Variants in ADAMTS12 observed in about 807,000 individuals in gnomAD.
ADAMTS12 encodes the protein A disintegrin and metalloproteinase with thrombospondin motifs 12.
ADAMTS12 carries 118 observed loss-of-function variants against 167.8 expected under a neutral mutation model. That is an observed-to-expected ratio of 0.70 (90% CI 0.61 to 0.82). The LOEUF (loss-of-function observed/expected upper bound fraction) is 0.82, where lower values mean the gene tolerates loss of function less well. ADAMTS12 is among the 40% of genes least tolerant of loss of function. The pLI is 0.00. For missense variants in ADAMTS12, 1,916 were observed against 1,998.8 expected (o/e 0.96, Z 0.79); for synonymous variants, 704 against 716.9 (o/e 0.98, Z 0.29).
At chr5:33,693,218 G>A (rs1005472247) in intron 3 of ADAMTS12, among the ~76,000 whole-genome samples, 12 of 152,182 alleles carry the variant, frequency 7.9e-5, no homozygotes, top group Non-Finnish European at 1.6e-4. Flanking sequence ...TTAACTTGGT[G>A]AGTCAGCAAT....
At chr5:33,608,948 G>C (rs114261179) in intron 16 of ADAMTS12, among the ~76,000 whole-genome samples, 3,232 of 152,192 alleles carry the variant, frequency 0.021, 43 homozygotes, top group African/African-American at 0.05. Context: ...GGTGGGGTGG[G>C]ATGAGAGCAT....
chr5:33,696,277 C>G (rs930560221), intron 3 of ADAMTS12, among the ~76,000 whole-genome samples: 2 of 151,274 alleles, frequency 1.3e-5, no homozygotes, highest in Non-Finnish European at 3.0e-5. Context: ...AAAAATTAGC[C>G]GGGCACGGTG....
In ADAMTS12 at chr5:33,831,278, T is replaced by A. The variant is rs749590044; in HGVS notation, c.489+49841A>T. On this transcript the variant is annotated intron_variant, in intron 2 of 23. Transcript: ENST00000504830. Reference sequence around the variant, plus strand: ...TTAAAGATGAGGTCAGTGAGGCATATAGAGATTGAATATCTTGTCCGAGAT... The same window carrying A: ...TTAAAGATGAGGTCAGTGAGGCATAAAGAGATTGAATATCTTGTCCGAGAT... 1.3e-5 allele frequency among the ~76,000 whole-genome samples: 2 copies of A among 152,200 alleles called. 1 individual carries two copies. The highest frequency in any genetic ancestry group is 4.1e-4 in the South Asian group (2 of 4,828).
At chr5:33,721,905 T>A (rs1007758659) in intron 3 of ADAMTS12, among the ~76,000 whole-genome samples, 7 of 152,204 alleles carry the variant, frequency 4.6e-5, no homozygotes, top group Non-Finnish European at 1.0e-4. Flanking sequence ...TAAAACCAAA[T>A]GCCATGGTCT....
intron 2 of ADAMTS12, among the ~76,000 whole-genome samples, chr5:33,787,977 A>C (rs1746391395): frequency 6.6e-6 from 1 of 152,212 alleles, no homozygotes; most frequent in South Asian, 2.1e-4. Flanking sequence ...GGAAGGGCAC[A>C]GCCTCACTCA....
chr5:33,847,679 A>G (rs1749000797), intron 2 of ADAMTS12, among the ~76,000 whole-genome samples: 1 of 152,204 alleles, frequency 6.6e-6, no homozygotes, highest in South Asian at 2.1e-4. Context: ...GATCAAACCC[A>G]GAATGATTAT....
chr5:33,864,186 C>CA (rs772484788), intron 2 of ADAMTS12, among the ~76,000 whole-genome samples: 2 of 152,158 alleles, frequency 1.3e-5, no homozygotes, highest in Non-Finnish European at 2.9e-5. Flanking sequence ...AGGATATGAA[C>CA]AGACACTTCT....
intron 23 of ADAMTS12, 130 bp downstream of exon 23, chr5:33,534,703 A>T: frequency 8.2e-7 from 1 of 1,220,486 alleles, no homozygotes; most frequent in Non-Finnish European, 1.1e-6. Flanking sequence ...TCCCAGGGTT[A>T]CTGGTTGACC....
At chr5:33,802,781 T>A (rs952925841) in intron 2 of ADAMTS12, among the ~76,000 whole-genome samples, 2 of 152,208 alleles carry the variant, frequency 1.3e-5, no homozygotes, top group Non-Finnish European at 2.9e-5. Flanking sequence ...ATGTTAGCAA[T>A]AGCAGTCCTC....
rs754585554 is a variant in ADAMTS12, at chr5:33,527,406, T to A, written c.4607-40A>T. 7 of 1,593,582 alleles carry A rather than the reference T, an allele frequency of 4.4e-6. No individual in the cohort carries two copies. In the South Asian group the frequency reaches 4.5e-5, roughly 10 times the overall value. On this transcript the variant is annotated intron_variant, in intron 23 of 23. Transcript: ENST00000504830. The stretch of plus-strand genomic sequence containing the variant: ...AAAGAATAAGAAAAAAGTCCAAAGA[T>A]TATCCTTTGTGGATATACAAGCACA...
chr5:33,682,991 C>A, intron 5 of ADAMTS12, 27 bp downstream of exon 5: 1 of 1,598,052 alleles, frequency 6.3e-7, no homozygotes, highest in African/African-American at 1.3e-5. Flanking sequence ...GGACATATAG[C>A]AGAAGAGTGA....
At chr5:33,692,549 A>G (rs1331275625) in intron 3 of ADAMTS12, among the ~76,000 whole-genome samples, 3 of 152,206 alleles carry the variant, frequency 2.0e-5, no homozygotes, top group Non-Finnish European at 4.4e-5. Flanking sequence ...ATTTTAAATA[A>G]ATCAATCTTA....
chr5:33,702,366 C>G (rs138929732), intron 3 of ADAMTS12, among the ~76,000 whole-genome samples: 2 of 152,196 alleles, frequency 1.3e-5, no homozygotes, highest in African/African-American at 4.8e-5. Flanking sequence ...AAGACTTACA[C>G]ATGTCTTCCC....
intron 3 of ADAMTS12, among the ~76,000 whole-genome samples, chr5:33,723,589 G>A (rs1278922951): frequency 6.6e-6 from 1 of 152,194 alleles, no homozygotes; most frequent in Non-Finnish European, 1.5e-5. Flanking sequence ...CAACCTGGGT[G>A]GGATTGGCTA....
intron 2 of ADAMTS12, among the ~76,000 whole-genome samples, chr5:33,765,206 C>G (rs1745489457): frequency 6.6e-6 from 1 of 152,158 alleles, no homozygotes; most frequent in Non-Finnish European, 1.5e-5. Context: ...TATGCTCAAC[C>G]ATTTGAAGGT....
At position 33,872,327 on chromosome 5, in the gene ADAMTS12, C is replaced by T. The variant is rs570091107; in HGVS notation, c.489+8792G>A. On this transcript the variant is annotated intron_variant, in intron 2 of 23. Transcript: ENST00000504830. ...TTGGGAGGCCAAGGCAGGTGGATCA[C>T]GAGGTCAGGAGTTCGAGACCAGCCT... Among the ~76,000 whole-genome samples the T allele has an allele frequency of 1.6e-4, 24 of 152,066 alleles. No homozygotes were observed. The East Asian group carries it at 3.1e-3, about 20-fold the overall frequency.
intron 19 of ADAMTS12, among the ~76,000 whole-genome samples, chr5:33,575,358 A>G (rs902353627): frequency 6.6e-6 from 1 of 152,188 alleles, no homozygotes; most frequent in Non-Finnish European, 1.5e-5. Flanking sequence ...CCTTCATCAT[A>G]GGATCATTGT....
Position 33,862,940 on chromosome 5 carries a change from ACCACATGATTATCT to A in ADAMTS12, c.489+18165_489+18178del, listed in dbSNP as rs1179695465. On this transcript the variant is annotated intron_variant, in intron 2 of 23. Coordinates refer to ENST00000504830, the MANE Select transcript of ADAMTS12 (RefSeq NM_030955.4). ...CACATAAACAGAACCAACGACAAAA[ACCACATGATTATCT>A]CAATAGATACAGAAAAGGCCTTCGA... Among the ~76,000 whole-genome samples, 4 of 152,158 alleles carry A rather than the reference ACCACATGATTATCT, an allele frequency of 2.6e-5. No individual in the cohort carries two copies. The East Asian group carries it at 7.7e-4, about 29-fold the overall frequency.
intron 2 of ADAMTS12, among the ~76,000 whole-genome samples, chr5:33,865,243 C>G (rs1749774123): frequency 6.6e-6 from 1 of 152,010 alleles, no homozygotes; most frequent in South Asian, 2.1e-4. Flanking sequence ...TACTAGCAAA[C>G]CAAATCCAAC....
Sources: gnomAD v4.1 joint callset for allele counts (sites outside exome capture counted in the v4.1 genomes callset) on GRCh38, gnomAD v4.1.1 for gene constraint, MANE v1.5 for transcripts, NCBI Gene and HGNC (gene_info 2026-07-23, HGNC 2026-07-21) for gene names.